ENTREP2: variants seen among roughly 807,000 people sequenced by gnomAD.
The protein encoded by ENTREP2 is endosomal transmembrane epsin interactor 2.
chr15:29,304,569 C>T, the ENTREP2 span, among the ~76,000 whole-genome samples: 1 of 152,190 alleles, frequency 6.6e-6, no homozygotes, highest in East Asian at 1.9e-4. Flanking sequence ...TCAAGACCTC[C>T]CTTGCAGCCT....
chr15:29,196,670 G>T, the ENTREP2 span: 1 of 1,298,044 alleles, frequency 7.7e-7, no homozygotes, highest in Non-Finnish European at 1.0e-6. Context: ...TCAGTTCAAA[G>T]GAGCCTGTTT....
chr15:29,440,443 C>A, the ENTREP2 span, among the ~76,000 whole-genome samples: 3 of 152,164 alleles, frequency 2.0e-5, no homozygotes, highest in Non-Finnish European at 2.9e-5. Context: ...AAATTTTCTG[C>A]AGTAGACTTG....
At chr15:29,500,769 C>A in the ENTREP2 span, among the ~76,000 whole-genome samples, 355 of 151,874 alleles carry the variant, frequency 2.3e-3, no homozygotes, top group African/African-American at 8.2e-3. Context: ...AAACAGAGAA[C>A]AGAAAAACAA....
chr15:29,202,361 G>A, the ENTREP2 span, among the ~76,000 whole-genome samples: 1 of 151,630 alleles, frequency 6.6e-6, no homozygotes, highest in Non-Finnish European at 1.5e-5. Context: ...ATTTTTAGTT[G>A]AGAAATAATT....
the ENTREP2 span, among the ~76,000 whole-genome samples, chr15:29,568,332 C>A: frequency 6.6e-6 from 1 of 152,142 alleles, no homozygotes; most frequent in African/African-American, 2.4e-5. Flanking sequence ...GATCCCCAGA[C>A]CCTAGAGTAA....
the ENTREP2 span, among the ~76,000 whole-genome samples, chr15:29,212,304 A>C: frequency 1.3e-5 from 2 of 152,032 alleles, no homozygotes; most frequent in African/African-American, 2.4e-5. Flanking sequence ...TTTGTGTTTC[A>C]GTGGTGTCAG....
the ENTREP2 span, chr15:29,234,437 C>T: frequency 5.9e-6 from 9 of 1,513,980 alleles, no homozygotes; most frequent in South Asian, 2.2e-5. Flanking sequence ...AGTCCCTCGA[C>T]CTGCATAATT....
chr15:29,340,979 C>G, the ENTREP2 span, among the ~76,000 whole-genome samples: 1 of 152,190 alleles, frequency 6.6e-6, no homozygotes, highest in East Asian at 1.9e-4. Flanking sequence ...ATGCCAGGCC[C>G]CATGGGAGAG....
At chr15:29,492,153 C>T in the ENTREP2 span, among the ~76,000 whole-genome samples, 1 of 151,978 alleles carries the variant, frequency 6.6e-6, no homozygotes, top group Non-Finnish European at 1.5e-5. Context: ...TAGGCTGTAC[C>T]ATAGACATCC....
chr15:29,306,717 T>A, the ENTREP2 span, among the ~76,000 whole-genome samples: 1 of 125,882 alleles, frequency 7.9e-6, no homozygotes, highest in African/African-American at 3.0e-5. Flanking sequence ...GGAGATAGAG[T>A]CTTGCTCTGC....
At chr15:29,532,057 A>C in the ENTREP2 span, among the ~76,000 whole-genome samples, 1 of 152,222 alleles carries the variant, frequency 6.6e-6, no homozygotes, top group East Asian at 1.9e-4. Context: ...AGCAATTTTC[A>C]AGAAGACAAT....
At chr15:29,474,539 A>G in the ENTREP2 span, among the ~76,000 whole-genome samples, 1 of 151,982 alleles carries the variant, frequency 6.6e-6, no homozygotes, top group Non-Finnish European at 1.5e-5. Flanking sequence ...CACACAGTTC[A>G]AGGTCATTTC....
the ENTREP2 span, among the ~76,000 whole-genome samples, chr15:29,143,371 AG>A: frequency 6.6e-6 from 1 of 152,194 alleles, no homozygotes; most frequent in Non-Finnish European, 1.5e-5. Flanking sequence ...GCTAACATGG[AG>A]GAGCAGGGAG....
At chr15:29,338,995 T>C in the ENTREP2 span, among the ~76,000 whole-genome samples, 120,977 of 152,116 alleles carry the variant, frequency 0.8, 48,252 homozygotes, top group Middle Eastern at 0.83. Context: ...AACACTTGGA[T>C]GGGGTGGGGT....
At chr15:29,302,256 A>C in the ENTREP2 span, among the ~76,000 whole-genome samples, 1 of 152,240 alleles carries the variant, frequency 6.6e-6, no homozygotes, top group Non-Finnish European at 1.5e-5. Context: ...AAAAATGCAT[A>C]CCAAGATTTT....
At chr15:29,172,421 T>C in the ENTREP2 span, among the ~76,000 whole-genome samples, 1 of 152,002 alleles carries the variant, frequency 6.6e-6, no homozygotes, top group African/African-American at 2.4e-5. Flanking sequence ...AAGAGTGTCT[T>C]CTAGTGTCTT....
chr15:29,577,001 G>T, the ENTREP2 span, among the ~76,000 whole-genome samples: 1 of 151,906 alleles, frequency 6.6e-6, no homozygotes, highest in Non-Finnish European at 1.5e-5. Flanking sequence ...TGGAGATGGG[G>T]TTTCACCGTG....
the ENTREP2 span, among the ~76,000 whole-genome samples, chr15:29,503,681 T>C: frequency 6.6e-6 from 1 of 152,174 alleles, no homozygotes; most frequent in Non-Finnish European, 1.5e-5. Context: ...TAAATATCTT[T>C]TTAGGATCTA....
the ENTREP2 span, among the ~76,000 whole-genome samples, chr15:29,429,420 T>A: frequency 6.6e-6 from 1 of 152,168 alleles, no homozygotes; most frequent in Admixed American, 6.5e-5. Flanking sequence ...AGAGACTCAC[T>A]ACGTTCCCAG....
Sources: gnomAD v4.1 joint callset for allele counts (sites outside exome capture counted in the v4.1 genomes callset) on GRCh38, gnomAD v4.1.1 for gene constraint, MANE v1.5 for transcripts, NCBI Gene and HGNC (gene_info 2026-07-23, HGNC 2026-07-21) for gene names.